ST7L: variants seen among roughly 807,000 people sequenced by gnomAD.
ST7L encodes the protein suppressor of tumorigenicity 7 protein-like.
In ST7L, 57 loss-of-function variants were observed where a neutral mutation model predicts 72.5. The observed-to-expected ratio is 0.79, with a 90% CI of 0.64 to 0.98. The LOEUF is 0.98. Ranked by LOEUF, ST7L falls within the 50% of genes least tolerant of loss-of-function variation. The probability of loss-of-function intolerance (pLI) is 0.00; values close to 1 mark genes in which losing one functional copy is unlikely to be tolerated. For missense variants in ST7L, 576 were observed against 672.2 expected (o/e 0.86, Z 1.58); for synonymous variants, 221 against 240.9 (o/e 0.92, Z 0.77).
upstream of ST7L, chr1:112,619,678 G>T: frequency 1.7e-6 from 1 of 594,482 alleles, no homozygotes. Flanking sequence ...GCGCGGGCGC[G>T]GGCGCTGGCG....
chr1:112,561,816 C>G (rs374933601), intron 11 of ST7L, among the ~76,000 whole-genome samples: 1 of 151,880 alleles, frequency 6.6e-6, no homozygotes, highest in South Asian at 2.1e-4. Context: ...ATATTTAAAG[C>G]TGAGTTATTT....
At chr1:112,577,189 T>A in intron 10 of ST7L, 101 bp from the exon 11 acceptor site, 1 of 638,688 alleles carries the variant, frequency 1.6e-6, no homozygotes, top group Admixed American at 4.0e-5. Flanking sequence ...AAGAAGTTTC[T>A]GGAGATGGCC....
At chr1:112,612,730 T>C (rs1002475019) in intron 2 of ST7L, among the ~76,000 whole-genome samples, 1 of 152,100 alleles carries the variant, frequency 6.6e-6, no homozygotes, top group Admixed American at 6.6e-5. Context: ...ACTTCTACCA[T>C]ATATTTTACT....
chr1:112,567,264 T>C (rs1661210794), intron 11 of ST7L, among the ~76,000 whole-genome samples: 1 of 152,220 alleles, frequency 6.6e-6, no homozygotes, highest in Admixed American at 6.5e-5. Flanking sequence ...TCTCTTTATG[T>C]GTTATTGGAC....
In ST7L at chr1:112,542,047, C is replaced by A. The variant is rs752546072; in HGVS notation, c.1533G>T (p.Leu511Phe). The A allele has an allele frequency of 2.2e-5, 35 of 1,612,492 alleles. No individual in the cohort carries two copies. Among genetic ancestry groups the A allele is most frequent in the Non-Finnish European group, 1.1e-5 (13 of 1,179,542 alleles). ...VSVYPKKELP[L>F]FIHFTAGFCS... ...AAAATCCTGCTGTGAAATGGATGAA[C>A]AAAGGAAGCTCCTTTTTTGGGTAAA... is the stretch of plus-strand genomic sequence containing the variant. The change falls in exon 14 of 15, where the codon TTG becomes TTT. Residue 511 changes from leucine to phenylalanine, a missense_variant. Physicochemically the swap from Leu to Phe is conservative, Grantham distance 22 (BLOSUM62 0). Coordinates refer to ENST00000358039, the MANE Select transcript of ST7L (RefSeq NM_017744.5).
chr1:112,525,962 T>A lies in ST7L; in HGVS notation c.*51A>T. Reference sequence around the variant, plus strand: ...GGGGTTACTGTCACTTTACAGATGCTGTTCAGAAAAATTTGGTGATTTGTC... The same window carrying A: ...GGGGTTACTGTCACTTTACAGATGCAGTTCAGAAAAATTTGGTGATTTGTC... On this transcript the variant is annotated 3_prime_UTR_variant, in exon 15 of 15. Coordinates refer to ENST00000358039, the MANE Select transcript of ST7L (RefSeq NM_017744.5). The A allele has an allele frequency of 6.2e-7, 1 of 1,610,638 alleles. No individual in the cohort carries two copies. The highest frequency in any genetic ancestry group is 8.5e-7 in the Non-Finnish European group (1 of 1,177,366).
chr1:112,577,530 CAAAAAAAAA>C (rs527682647), intron 10 of ST7L, among the ~76,000 whole-genome samples: 2 of 24,102 alleles, frequency 8.3e-5, no homozygotes, highest in Admixed American at 5.1e-4. Flanking sequence ...AACTCTGTCT[CAAAAAAAAA>C]AAAAAAAAAA....
chr1:112,547,755 G>T (rs1349302179), intron 13 of ST7L, among the ~76,000 whole-genome samples: 2 of 149,682 alleles, frequency 1.3e-5, no homozygotes, highest in African/African-American at 4.9e-5. Context: ...GTAGAAATGG[G>T]GTTTCTCCAT....
At chr1:112,538,559 G>A (rs946348039) in intron 14 of ST7L, among the ~76,000 whole-genome samples, 1 of 152,142 alleles carries the variant, frequency 6.6e-6, no homozygotes, top group Non-Finnish European at 1.5e-5. Flanking sequence ...TACCCGGGCT[G>A]GTCATGAACT....
chr1:112,612,959 CAT>C (rs1669300692), intron 2 of ST7L, among the ~76,000 whole-genome samples: 1 of 151,302 alleles, frequency 6.6e-6, no homozygotes, highest in Non-Finnish European at 1.5e-5. Flanking sequence ...CTCTACAAAA[CAT>C]AAAAAAAATG....
At chr1:112,553,233 A>AACACACACACACACACAC (rs71584746) in intron 12 of ST7L, among the ~76,000 whole-genome samples, 59 of 149,490 alleles carry the variant, frequency 3.9e-4, no homozygotes, top group African/African-American at 1.4e-3. Flanking sequence ...CTTTTCTTTA[A>AACACACACACACACACAC]ACACACACAC....
Position 112,526,004 on chromosome 1 carries a change from G to T in ST7L, c.*9C>A, listed in dbSNP as rs368488162. The T allele has an allele frequency of 4.3e-5, 70 of 1,614,084 alleles. 1 individual carries two copies. The highest frequency in any genetic ancestry group is 3.7e-4 in the African/African-American group (28 of 75,054). ...TGATTTGTCCAAGGTCACATGAACA[G>T]TGCGTGGCTCAGCCAGAACTCAAAC... On this transcript the variant is annotated 3_prime_UTR_variant, in exon 15 of 15. Coordinates refer to ENST00000358039, the MANE Select transcript of ST7L (RefSeq NM_017744.5).
chr1:112,585,595 C>A (rs1278301334), intron 6 of ST7L, among the ~76,000 whole-genome samples: 1 of 151,746 alleles, frequency 6.6e-6, no homozygotes. Flanking sequence ...TAGCTGGGCG[C>A]AGTGGCGGGT....
chr1:112,572,058 C>A (rs1217173979), intron 11 of ST7L, among the ~76,000 whole-genome samples: 3 of 152,160 alleles, frequency 2.0e-5, no homozygotes, highest in Admixed American at 2.0e-4. Context: ...CCTTGTACAT[C>A]TCCAACAGAG....
At position 112,566,836 on chromosome 1, in the gene ST7L, G is replaced by C. The variant is rs548452898; in HGVS notation, c.1245+10150C>G. On this transcript the variant is annotated intron_variant, in intron 11 of 14. Coordinates refer to ENST00000358039, the MANE Select transcript of ST7L (RefSeq NM_017744.5). ...TTTTATTGCTGAATACCACTGTATT[G>C]TAACTTACTTATCTATTTACCTATT... Among the ~76,000 whole-genome samples, 10 of 152,192 alleles carry C rather than the reference G, an allele frequency of 6.6e-5. No individual in the cohort carries two copies. In the East Asian group the frequency reaches 1.9e-3, roughly 29 times the overall value.
chr1:112,533,001 C>T (rs1028295971), intron 14 of ST7L, among the ~76,000 whole-genome samples: 1 of 152,158 alleles, frequency 6.6e-6, no homozygotes, highest in Non-Finnish European at 1.5e-5. Context: ...TATCTTTCCC[C>T]TACAATCCTT....
chr1:112,543,702 C>T (rs149145393), intron 13 of ST7L, among the ~76,000 whole-genome samples: 2 of 152,014 alleles, frequency 1.3e-5, no homozygotes, highest in East Asian at 3.9e-4. Context: ...AACCCCATCT[C>T]TACTAAAAAT....
chr1:112,602,099 A>AAAAAG (rs1278863338), intron 3 of ST7L, among the ~76,000 whole-genome samples: 109 of 150,492 alleles, frequency 7.2e-4, no homozygotes, highest in African/African-American at 1.1e-3. Context: ...AAAAAAAAAA[A>AAAAAG]AAAAGAAAAG....
At chr1:112,617,947 A>T (rs1670174985) in intron 1 of ST7L, 2 of 1,280,976 alleles carry the variant, frequency 1.6e-6, no homozygotes, top group South Asian at 1.2e-5. Context: ...AGTGCTAGTT[A>T]TATTTGAACT....
Sources: gnomAD v4.1 joint callset for allele counts (sites outside exome capture counted in the v4.1 genomes callset) on GRCh38, gnomAD v4.1.1 for gene constraint, MANE v1.5 for transcripts, NCBI Gene and HGNC (gene_info 2026-07-23, HGNC 2026-07-21) for gene names.